FBXO4: variants seen among roughly 807,000 people sequenced by gnomAD.
The protein encoded by FBXO4 is F-box protein 4, also known as F-box only protein 4.
A neutral mutation model predicts 43.7 loss-of-function variants in FBXO4; 36 were observed. That is an observed-to-expected ratio of 0.82 (90% CI 0.63 to 1.09). The LOEUF (loss-of-function observed/expected upper bound fraction) is 1.09. Among genes scored for constraint, FBXO4 ranks in the 50% least tolerant of loss-of-function variants. FBXO4 has a pLI of 0.00. For missense variants in FBXO4, 435 were observed against 474.1 expected, an observed-to-expected ratio of 0.92 and a Z score of 0.77; for synonymous variants, 180 against 165.6, an observed-to-expected ratio of 1.09 and a Z score of -0.67.
At chr5:41,978,230 T>C in the FBXO4 span, among the ~76,000 whole-genome samples, 1 of 152,140 alleles carries the variant, frequency 6.6e-6, no homozygotes, top group Non-Finnish European at 1.5e-5. Flanking sequence ...ATCACCACTT[T>C]GTAAAAGGGA....
the FBXO4 span, among the ~76,000 whole-genome samples, chr5:42,032,471 C>T: frequency 3.9e-5 from 6 of 152,194 alleles, no homozygotes; most frequent in Admixed American, 1.3e-4. Flanking sequence ...ACTCTTCCCT[C>T]CCACTTCCCA....
the FBXO4 span, among the ~76,000 whole-genome samples, chr5:41,981,027 A>T: frequency 1.3e-5 from 2 of 152,024 alleles, no homozygotes; most frequent in Non-Finnish European, 2.9e-5. Context: ...TCCTCACTAG[A>T]TATATATAAG....
chr5:41,989,641 A>C, the FBXO4 span, among the ~76,000 whole-genome samples: 1 of 152,162 alleles, frequency 6.6e-6, no homozygotes, highest in Non-Finnish European at 1.5e-5. Context: ...GGTGCTCTAT[A>C]TGCTTACTGT....
chr5:42,032,672 A>T, the FBXO4 span, among the ~76,000 whole-genome samples: 51 of 152,238 alleles, frequency 3.4e-4, no homozygotes, highest in African/African-American at 1.2e-3. Context: ...ATGCCATCCA[A>T]CGTTCAATTC....
At chr5:41,976,777 C>T in the FBXO4 span, among the ~76,000 whole-genome samples, 1 of 152,196 alleles carries the variant, frequency 6.6e-6, no homozygotes, top group Non-Finnish European at 1.5e-5. Flanking sequence ...AGGGCAGTGG[C>T]CTCCTTTCCA....
chr5:42,011,926 A>C, the FBXO4 span, among the ~76,000 whole-genome samples: 3 of 152,150 alleles, frequency 2.0e-5, no homozygotes, highest in East Asian at 5.8e-4. Context: ...TCTTATGTGG[A>C]TGTGAAGCAA....
At chr5:41,940,290 G>T (rs954807974) in intron 6 of FBXO4, among the ~76,000 whole-genome samples, 1 of 151,544 alleles carries the variant, frequency 6.6e-6, no homozygotes, top group Admixed American at 6.6e-5. Flanking sequence ...TTGTGACAGG[G>T]TCTCGCTCTC....
chr5:42,006,596 C>T, the FBXO4 span, among the ~76,000 whole-genome samples: 1 of 151,750 alleles, frequency 6.6e-6, no homozygotes, highest in African/African-American at 2.4e-5. Flanking sequence ...AACTGTTACT[C>T]ATCAAGTAAT....
the FBXO4 span, among the ~76,000 whole-genome samples, chr5:42,037,877 G>A: frequency 5.3e-5 from 8 of 152,168 alleles, no homozygotes; most frequent in Admixed American, 2.0e-4. Context: ...AGATTTATTT[G>A]ATGGTCTCCT....
chr5:42,034,692 C>T, the FBXO4 span, among the ~76,000 whole-genome samples: 14 of 152,222 alleles, frequency 9.2e-5, no homozygotes, highest in African/African-American at 3.4e-4. Flanking sequence ...GGTGTTATTT[C>T]TGACATCTCT....
the FBXO4 span, among the ~76,000 whole-genome samples, chr5:41,992,152 A>G: frequency 1.5e-4 from 23 of 152,190 alleles, no homozygotes; most frequent in Non-Finnish European, 2.5e-4. Context: ...CTATATAATA[A>G]ATAACACACT....
At chr5:42,004,426 T>TA in the FBXO4 span, among the ~76,000 whole-genome samples, 1 of 151,910 alleles carries the variant, frequency 6.6e-6, no homozygotes, top group Non-Finnish European at 1.5e-5. Flanking sequence ...ATTCGAGAGG[T>TA]AAAAAAAGTC....
chr5:41,975,238 C>T, the FBXO4 span, among the ~76,000 whole-genome samples: 1,791 of 152,326 alleles, frequency 0.012, 36 homozygotes, highest in African/African-American at 0.041. Flanking sequence ...GCTTTGTCTG[C>T]CCCAGGGAAG....
At chr5:42,024,819 G>A in the FBXO4 span, among the ~76,000 whole-genome samples, 2 of 151,958 alleles carry the variant, frequency 1.3e-5, no homozygotes, top group Non-Finnish European at 2.9e-5. Flanking sequence ...TTCTGTTCCT[G>A]GCTTATTTCA....
At chr5:41,964,684 T>C in the FBXO4 span, among the ~76,000 whole-genome samples, 1 of 152,160 alleles carries the variant, frequency 6.6e-6, no homozygotes, top group Admixed American at 6.5e-5. Flanking sequence ...ATGTCTTCTT[T>C]TGAGAAGTGT....
chr5:42,025,517 C>G, the FBXO4 span, among the ~76,000 whole-genome samples: 2 of 151,814 alleles, frequency 1.3e-5, no homozygotes, highest in Non-Finnish European at 2.9e-5. Flanking sequence ...TGATTGTTTC[C>G]TTTGCTGTGC....
In FBXO4 at chr5:41,929,853, G is replaced by A. The variant is rs370201924; in HGVS notation, c.582G>A (p.Val194=). ...PGLEELNTSL[V]LSLMSSEELC... is the part of the protein sequence containing the mutation. ...TGGAAGAATTGAATACCTCTTTGGT[G>A]TTGAGCTTGATGTCTTCAGAGGAAC... Residue 194 remains valine (V), a synonymous_variant, in exon 3 of 7, where the codon GTG becomes GTA. Coordinates refer to ENST00000281623, the MANE Select transcript of FBXO4 (RefSeq NM_012176.3). The A allele has an allele frequency of 8.7e-6, 14 of 1,614,004 alleles. No homozygotes were observed. Among genetic ancestry groups the A allele is most frequent in the African/African-American group, 8.0e-5 (6 of 74,938 alleles).
chr5:41,939,734 G>A (rs541470575), intron 6 of FBXO4, 118 bp downstream of exon 6: 2 of 753,680 alleles, frequency 2.7e-6, no homozygotes, highest in South Asian at 2.4e-5. Flanking sequence ...AATTTTAATA[G>A]CTTAATCTAT....
the FBXO4 span, among the ~76,000 whole-genome samples, chr5:41,978,311 G>A: frequency 0.14 from 21,411 of 152,080 alleles, 2,436 homozygotes; most frequent in African/African-American, 0.31. Context: ...CACCTCCAAC[G>A]TTGGAGATTA....
Sources: allele counts gnomAD v4.1 joint callset (sites outside exome capture counted in the v4.1 genomes callset), GRCh38; gene constraint gnomAD v4.1.1; transcripts MANE v1.5; gene names NCBI Gene and HGNC (gene_info 2026-07-23, HGNC 2026-07-21).